The following BMAL1 variants were observed in gnomAD, a reference collection of about 807,000 sequenced individuals.
The protein encoded by BMAL1 is basic helix-loop-helix ARNT like 1.
At chr11:13,370,449 C>T in the BMAL1 span, among the ~76,000 whole-genome samples, 2 of 152,212 alleles carry the variant, frequency 1.3e-5, no homozygotes, top group Non-Finnish European at 2.9e-5. Flanking sequence ...CAACAGGATA[C>T]GTGCCGAAGT....
chr11:13,335,634 G>A, the BMAL1 span, among the ~76,000 whole-genome samples: 1 of 152,194 alleles, frequency 6.6e-6, no homozygotes, highest in Non-Finnish European at 1.5e-5. Flanking sequence ...TCTGGGCCTA[G>A]AGTCTGACTC....
At chr11:13,355,260 A>G in the BMAL1 span, 10 of 1,613,830 alleles carry the variant, frequency 6.2e-6, no homozygotes, top group Non-Finnish European at 8.5e-6. Flanking sequence ...CAATGGCTGG[A>G]GGTCAGATGC....
At chr11:13,383,992 A>G in the BMAL1 span, among the ~76,000 whole-genome samples, 1 of 152,180 alleles carries the variant, frequency 6.6e-6, no homozygotes. Context: ...CTGCATACCA[A>G]AGTATGATGT....
the BMAL1 span, among the ~76,000 whole-genome samples, chr11:13,308,146 G>A: frequency 2.6e-5 from 4 of 152,150 alleles, no homozygotes; most frequent in African/African-American, 4.8e-5. Flanking sequence ...GATTAGATGC[G>A]GAGTGGGAGA....
At chr11:13,352,480 A>G in the BMAL1 span, among the ~76,000 whole-genome samples, 4 of 152,310 alleles carry the variant, frequency 2.6e-5, no homozygotes. Flanking sequence ...GAATACAAGT[A>G]AAAACAATGA....
the BMAL1 span, chr11:13,372,012 C>A: frequency 1.9e-6 from 2 of 1,060,996 alleles, no homozygotes; most frequent in South Asian, 1.6e-5. Flanking sequence ...TTTCCGTCTG[C>A]CCCTTTCATT....
chr11:13,331,165 C>T, the BMAL1 span, among the ~76,000 whole-genome samples: 2 of 152,164 alleles, frequency 1.3e-5, no homozygotes, highest in Non-Finnish European at 2.9e-5. Flanking sequence ...TCTTAGAAGA[C>T]ACAGGCACGA....
the BMAL1 span, among the ~76,000 whole-genome samples, chr11:13,319,799 A>G: frequency 6.6e-6 from 1 of 152,160 alleles, no homozygotes; most frequent in Non-Finnish European, 1.5e-5. Flanking sequence ...CTTTCCCACC[A>G]AGGGCTGAGC....
At chr11:13,316,081 A>G in the BMAL1 span, among the ~76,000 whole-genome samples, 1 of 152,136 alleles carries the variant, frequency 6.6e-6, no homozygotes, top group Non-Finnish European at 1.5e-5. Flanking sequence ...CTTCAAGGAA[A>G]GGGGCCCCCT....
At chr11:13,319,974 T>G in the BMAL1 span, among the ~76,000 whole-genome samples, 2 of 152,230 alleles carry the variant, frequency 1.3e-5, no homozygotes, top group Non-Finnish European at 2.9e-5. Context: ...CTGAGCTAGA[T>G]GAGGAAAGCA....
the BMAL1 span, among the ~76,000 whole-genome samples, chr11:13,327,958 T>C: frequency 6.6e-6 from 1 of 151,580 alleles, no homozygotes; most frequent in Admixed American, 6.6e-5. Flanking sequence ...ATGAAGGGTG[T>C]CATGTTTCTG....
At chr11:13,354,009 C>T in the BMAL1 span, among the ~76,000 whole-genome samples, 1 of 152,068 alleles carries the variant, frequency 6.6e-6, no homozygotes, top group Non-Finnish European at 1.5e-5. Context: ...GCACAGGGAC[C>T]GAGAAGCTGC....
the BMAL1 span, among the ~76,000 whole-genome samples, chr11:13,327,809 G>A: frequency 6.6e-6 from 1 of 151,288 alleles, no homozygotes; most frequent in African/African-American, 2.4e-5. Flanking sequence ...TTGTGAGTCT[G>A]AAGAAATTTA....
the BMAL1 span, among the ~76,000 whole-genome samples, chr11:13,352,049 A>G: frequency 1.3e-5 from 2 of 151,978 alleles, no homozygotes; most frequent in African/African-American, 4.8e-5. Context: ...GGCTGGGGTG[A>G]GGGTTCTGAA....
the BMAL1 span, among the ~76,000 whole-genome samples, chr11:13,278,370 C>T: frequency 6.6e-6 from 1 of 152,206 alleles, no homozygotes; most frequent in Non-Finnish European, 1.5e-5. Flanking sequence ...GATGTGTCCC[C>T]GGGAGCTTCG....
chr11:13,386,324 G>A, the BMAL1 span, among the ~76,000 whole-genome samples: 25 of 151,578 alleles, frequency 1.6e-4, no homozygotes, highest in Admixed American at 2.6e-4. Flanking sequence ...AATTTTAAGC[G>A]CTTTGTACTT....
At chr11:13,369,879 T>TCC in the BMAL1 span, 2 of 1,372,408 alleles carry the variant, frequency 1.5e-6, no homozygotes, top group Admixed American at 4.7e-5. Flanking sequence ...GAGTGGCAGG[T>TCC]CCCAGGACTG....
At chr11:13,293,973 A>G in the BMAL1 span, among the ~76,000 whole-genome samples, 2 of 152,270 alleles carry the variant, frequency 1.3e-5, no homozygotes, top group Non-Finnish European at 2.9e-5. Flanking sequence ...GACTTGTTCA[A>G]AACAATATGT....
the BMAL1 span, among the ~76,000 whole-genome samples, chr11:13,343,652 G>A: frequency 6.6e-6 from 1 of 152,196 alleles, no homozygotes; most frequent in Non-Finnish European, 1.5e-5. Flanking sequence ...GGGTTAAGAA[G>A]ACATCCCTTT....
Sources: gnomAD v4.1 joint callset for allele counts (sites outside exome capture counted in the v4.1 genomes callset) on GRCh38, gnomAD v4.1.1 for gene constraint, MANE v1.5 for transcripts, NCBI Gene and HGNC (gene_info 2026-07-23, HGNC 2026-07-21) for gene names.